Variants in MAN2A1 observed in about 807,000 individuals in gnomAD.
The protein encoded by MAN2A1 is mannosidase alpha class 2A member 1.
A neutral mutation model predicts 142.6 loss-of-function variants in MAN2A1; 76 were observed. The observed-to-expected ratio is 0.53, with a 90% CI of 0.44 to 0.65. MAN2A1 has a LOEUF of 0.65. Ranked by LOEUF, MAN2A1 falls within the 30% of genes least tolerant of loss-of-function variation. The pLI is 0.00. For missense variants in MAN2A1, 1,311 were observed against 1,365.1 expected (o/e 0.96, Z 0.62); for synonymous variants, 559 against 473.2 (o/e 1.18, Z -2.35).
chr5:109,865,130 C>T lies in MAN2A1; in HGVS notation c.3266C>T (p.Ser1089Phe), dbSNP rs572390763. The T allele has an allele frequency of 1.2e-6, 2 of 1,613,262 alleles. No homozygotes were observed. Among genetic ancestry groups the T allele is most frequent in the East Asian group, 2.2e-5 (1 of 44,872 alleles). The change falls in exon 21 of 22, where the codon TCT becomes TTT. Residue 1089 changes from serine to phenylalanine, a missense_variant. Physicochemically the swap from Ser to Phe is radical, Grantham distance 155 (BLOSUM62 -2). Around this residue, in one of 3 missense-constraint regions of MAN2A1, gnomAD observed 890 missense variants for 920.5 expected, o/e 0.97. Coordinates refer to ENST00000261483, the MANE Select transcript of MAN2A1 (RefSeq NM_002372.4). ...FSSKGTGLFC[S>F]TTQGKILVQK... ...AGCAAAGGCACAGGGCTGTTTTGTT[C>T]TACTACTCAGGGAAAGGTAAGTTGA... is the stretch of plus-strand genomic sequence containing the variant.
chr5:109,772,121 G>A (rs1277196293), intron 7 of MAN2A1, among the ~76,000 whole-genome samples: 2 of 152,116 alleles, frequency 1.3e-5, no homozygotes, highest in African/African-American at 2.4e-5. Context: ...TTGGCCGGGC[G>A]CAGTGGCCCA....
At chr5:109,855,069 C>T in intron 19 of MAN2A1, 71 bp from the exon 20 acceptor site, 2 of 724,968 alleles carry the variant, frequency 2.8e-6, no homozygotes, top group Non-Finnish European at 4.2e-6. Flanking sequence ...TAAACCCTCT[C>T]AGATAATTCT....
chr5:109,833,465 G>A (rs1477247405), intron 16 of MAN2A1, among the ~76,000 whole-genome samples: 2 of 152,158 alleles, frequency 1.3e-5, no homozygotes, highest in African/African-American at 4.8e-5. Context: ...GTTAGGAGCT[G>A]GAGACCAGCC....
intron 7 of MAN2A1, among the ~76,000 whole-genome samples, chr5:109,772,809 C>T (rs1753185588): frequency 6.6e-6 from 1 of 152,092 alleles, no homozygotes; most frequent in Non-Finnish European, 1.5e-5. Context: ...CATGCCTAGC[C>T]CTGTTCAATT....
chr5:109,747,143 G>A (rs982420319), intron 4 of MAN2A1, among the ~76,000 whole-genome samples: 1 of 152,016 alleles, frequency 6.6e-6, no homozygotes, highest in South Asian at 2.1e-4. Context: ...TATCTGTCCA[G>A]GTCCCTTCTT....
intron 10 of MAN2A1, among the ~76,000 whole-genome samples, chr5:109,787,621 AGG>A (rs1753627482): frequency 6.6e-6 from 1 of 151,974 alleles, no homozygotes; most frequent in Non-Finnish European, 1.5e-5. Context: ...GTGTGCCTTT[AGG>A]ATGCAGACAT....
Position 109,690,059 on chromosome 5 carries a change from G to C in MAN2A1, c.-359G>C, listed in dbSNP as rs1451110861. ...TTTTCCTGCCGACTCAGTTGGGGCG[G>C]CGGTGGCAGGAAGTGCGGGCAGCGA... is the stretch of plus-strand genomic sequence containing the variant. On this transcript the variant is annotated 5_prime_UTR_variant, in exon 1 of 22. Coordinates refer to ENST00000261483, the MANE Select transcript of MAN2A1 (RefSeq NM_002372.4). 1.3e-5 allele frequency: 3 copies of C among 231,834 alleles called. No individual in the cohort carries two copies. Among genetic ancestry groups the C allele is most frequent in the Non-Finnish European group, 2.6e-5 (3 of 116,618 alleles). 14.4% of individuals were successfully genotyped at this position (231,834 alleles called of 1,614,324 possible). A position where few individuals can be genotyped will look rare whatever the true frequency, so the allele number is the denominator to read the frequency against.
chr5:109,703,477 A>G (rs1249318130), intron 1 of MAN2A1, among the ~76,000 whole-genome samples: 2 of 152,232 alleles, frequency 1.3e-5, no homozygotes, highest in Non-Finnish European at 2.9e-5. Flanking sequence ...AAGGCCTGAA[A>G]GCATATCACA....
intron 10 of MAN2A1, among the ~76,000 whole-genome samples, chr5:109,785,198 C>G (rs1017379280): frequency 1.3e-5 from 2 of 152,082 alleles, no homozygotes; most frequent in Non-Finnish European, 2.9e-5. Flanking sequence ...CTATTTTCTT[C>G]TAAATAACAG....
At chr5:109,848,281 A>T (rs1411202631) in intron 19 of MAN2A1, among the ~76,000 whole-genome samples, 1 of 152,142 alleles carries the variant, frequency 6.6e-6, no homozygotes, top group Non-Finnish European at 1.5e-5. Context: ...AAAATCTAGT[A>T]CTCTGTGTTG....
chr5:109,789,196 T>C (rs1753676496), intron 11 of MAN2A1, 148 bp downstream of exon 11: 1 of 543,176 alleles, frequency 1.8e-6, no homozygotes, highest in Non-Finnish European at 3.2e-6. Context: ...TTAATATAAA[T>C]TACCTGTATG....
At chr5:109,768,027 C>A (rs1753040547) in intron 6 of MAN2A1, among the ~76,000 whole-genome samples, 1 of 152,202 alleles carries the variant, frequency 6.6e-6, no homozygotes, top group Admixed American at 6.6e-5. Context: ...TTTGAACATG[C>A]ATTAGAACTG....
chr5:109,820,393 T>A, intron 15 of MAN2A1, 51 bp downstream of exon 15: 1 of 1,526,168 alleles, frequency 6.6e-7, no homozygotes. Context: ...ATTGAAAGAG[T>A]ATTGAGGAAA....
chr5:109,803,347 A>C (rs1194172586), intron 12 of MAN2A1, among the ~76,000 whole-genome samples: 2 of 152,106 alleles, frequency 1.3e-5, no homozygotes, highest in Non-Finnish European at 2.9e-5. Context: ...GATTTTGTTT[A>C]TATTTTAAGT....
chr5:109,733,640 T>C (rs1003856298), intron 4 of MAN2A1, among the ~76,000 whole-genome samples: 7 of 152,278 alleles, frequency 4.6e-5, no homozygotes, highest in Non-Finnish European at 5.9e-5. Context: ...TTGTCTTTGG[T>C]TCTGTTTATA....
At chr5:109,777,650 T>A (rs930030390) in intron 8 of MAN2A1, among the ~76,000 whole-genome samples, 2 of 152,114 alleles carry the variant, frequency 1.3e-5, no homozygotes, top group African/African-American at 4.8e-5. Context: ...GTTCTGAAGC[T>A]ACATTCTTAT....
chr5:109,690,385 G>T lies in MAN2A1; in HGVS notation c.-33G>T. ...CAGTGCGCTGTCTCCTTTGGCTGAG[G>T]AGAGTGTCCTGGCCCCGAGTCTATC... On this transcript the variant is annotated 5_prime_UTR_variant, in exon 1 of 22. Transcript: ENST00000261483. The T allele has an allele frequency of 1.9e-6, 3 of 1,613,666 alleles. No homozygotes were observed. The highest frequency in any genetic ancestry group is 2.5e-6 in the Non-Finnish European group (3 of 1,179,638).
rs1754590666 is a variant in MAN2A1 at position 109,820,348 on chromosome 5, T to C, written c.2451+6T>C. ...TACCTGATGGTAATGCCAAGGTAAG[T>C]GGTACTGATGAGATGACAAATGGAA... is the stretch of plus-strand genomic sequence containing the variant. On this transcript the variant is annotated splice_donor_region_variant and intron_variant, in intron 15 of 21. Transcript: ENST00000261483. The C allele has an allele frequency of 2.5e-6, 4 of 1,600,786 alleles. No individual in the cohort carries two copies. The highest frequency in any genetic ancestry group is 3.4e-6 in the Non-Finnish European group (4 of 1,175,676).
intron 1 of MAN2A1, among the ~76,000 whole-genome samples, chr5:109,709,005 C>G (rs956566221): frequency 3.3e-5 from 5 of 152,200 alleles, no homozygotes; most frequent in African/African-American, 1.2e-4. Context: ...TAATCAATTG[C>G]TAAACCACCT....
Sources: gnomAD v4.1 joint callset for allele counts (sites outside exome capture counted in the v4.1 genomes callset) on GRCh38, gnomAD v4.1.1 for gene constraint, gnomAD v4.1.1 regional missense constraint, MANE v1.5 for transcripts, NCBI Gene and HGNC (gene_info 2026-07-23, HGNC 2026-07-21) for gene names.